The following CACNA1B variants were observed in gnomAD, a reference collection of about 807,000 sequenced individuals.
CACNA1B encodes voltage-dependent N-type calcium channel subunit alpha-1B.
Under a neutral mutation model 247.2 loss-of-function variants are expected in CACNA1B, and 70 were observed. The observed-to-expected ratio is 0.28, with a 90% CI of 0.23 to 0.35. The LOEUF (loss-of-function observed/expected upper bound fraction) is 0.35. Among genes scored for constraint, CACNA1B ranks in the 10% least tolerant of loss-of-function variants. The pLI, the probability that CACNA1B is intolerant of heterozygous loss-of-function variation, is 1.00. For synonymous variants in CACNA1B, 1,231 were observed against 1,294.4 expected (o/e 0.95, Z 1.05); for missense variants, 2,367 against 3,197.4 (o/e 0.74, Z 6.26).
At chr9:138,113,383 G>C (rs1313134763) in intron 40 of CACNA1B, among the ~76,000 whole-genome samples, 1 of 146,880 alleles carries the variant, frequency 6.8e-6, no homozygotes, top group Non-Finnish European at 1.5e-5. Context: ...GGAGCACGGG[G>C]AGGTGCCCAA....
chr9:138,086,426 G>A (rs571853477), intron 36 of CACNA1B, among the ~76,000 whole-genome samples: 1 of 151,338 alleles, frequency 6.6e-6, no homozygotes, highest in African/African-American at 2.4e-5. Context: ...TTGGGAGGCT[G>A]AGGTGGAAAG....
intron 20 of CACNA1B, among the ~76,000 whole-genome samples, chr9:138,035,728 C>A (rs939247423): frequency 4.0e-5 from 6 of 151,892 alleles, no homozygotes; most frequent in African/African-American, 1.5e-4. Flanking sequence ...AGTTTCTGTT[C>A]TTATTTATTA....
rs1472119995 is a variant in CACNA1B, at chr9:138,057,413, C to A, written c.3969-319C>A. On this transcript the variant is annotated intron_variant, in intron 26 of 46. Coordinates refer to ENST00000371372, the MANE Select transcript of CACNA1B (RefSeq NM_000718.4). This position sits in a 1 kb window ranked among gnomAD's most constrained non-coding sequence, Gnocchi z 4.0. ...GCCTGATTTATCTGTATTTTTTATT[C>A]TGTTGCTCATGATTTTGGTGTCACA... Among the ~76,000 whole-genome samples the A allele has an allele frequency of 6.6e-6, 1 of 152,078 alleles. No homozygotes were observed. The highest frequency in any genetic ancestry group is 1.5e-5 in the Non-Finnish European group (1 of 68,024).
At position 138,011,490 on chromosome 9, in the gene CACNA1B, A is replaced by T. The variant is rs1958723867; in HGVS notation, c.2160+1413A>T. 6.6e-6 allele frequency among the ~76,000 whole-genome samples: 1 copy of T among 152,014 alleles called. No individual in the cohort carries two copies. The highest frequency in any genetic ancestry group is 2.1e-4 in the South Asian group (1 of 4,814). Reference sequence around the variant, plus strand: ...CTGACCAAGAGCCGCAAAGTTTATGACTCGACCATCCCCTTCCCTTATATT... The same window carrying T: ...CTGACCAAGAGCCGCAAAGTTTATGTCTCGACCATCCCCTTCCCTTATATT... On this transcript the variant is annotated intron_variant, in intron 17 of 46. Transcript: ENST00000371372. This position sits in a 1 kb window ranked among gnomAD's most constrained non-coding sequence, Gnocchi z 4.2.
chr9:137,993,927 A>T (rs746736343), intron 15 of CACNA1B, among the ~76,000 whole-genome samples: 2 of 152,216 alleles, frequency 1.3e-5, no homozygotes, highest in East Asian at 3.8e-4. Flanking sequence ...TCCCTGATGA[A>T]CATAGATGCA....
At chr9:138,009,701 T>A (rs1228555022) in intron 16 of CACNA1B, among the ~76,000 whole-genome samples, 1 of 152,168 alleles carries the variant, frequency 6.6e-6, no homozygotes, top group Non-Finnish European at 1.5e-5. Flanking sequence ...CTCTGAGCTT[T>A]GCTCCTGCAC....
chr9:138,006,761 T>C lies in CACNA1B; in HGVS notation c.1975-6T>C, dbSNP rs1181056006. 1 of 1,557,452 alleles carries C rather than the reference T, an allele frequency of 6.4e-7. No individual in the cohort carries two copies. The highest frequency in any genetic ancestry group is 2.2e-5 in the East Asian group (1 of 44,610). ...GGCTTGCCCTGTGTTCTCTCCATCC[T>C]GGCAGATCCTGACGGGAGAGGACTG... On this transcript the variant is annotated splice_region_variant and splice_polypyrimidine_tract_variant and intron_variant, in intron 15 of 46. Transcript: ENST00000371372.
At chr9:138,112,788 G>A (rs1435212749) in intron 40 of CACNA1B, among the ~76,000 whole-genome samples, 3 of 152,256 alleles carry the variant, frequency 2.0e-5, no homozygotes, top group African/African-American at 7.2e-5. Flanking sequence ...GGGATGTGAG[G>A]GAGTGCGGTG....
intron 3 of CACNA1B, chr9:137,890,894 G>C (rs1437110272): frequency 6.5e-6 from 1 of 152,928 alleles, no homozygotes; most frequent in Non-Finnish European, 1.5e-5. Flanking sequence ...ACCCAGCTCT[G>C]AGGGGACAGT....
Position 138,083,106 on chromosome 9 carries a change from G to C in CACNA1B, c.5094+4848G>C, listed in dbSNP as rs62580953. 1.1e-3 allele frequency among the ~76,000 whole-genome samples: 164 copies of C among 150,404 alleles called. 3 individuals are homozygous for C. The highest frequency in any genetic ancestry group is 8.4e-3 in the South Asian group (40 of 4,756). On this transcript the variant is annotated intron_variant, in intron 36 of 46. Coordinates refer to ENST00000371372, the MANE Select transcript of CACNA1B (RefSeq NM_000718.4). ...AAGCCTAGCTGAGGGAGCTGCCTGG[G>C]GTCCACACACCTGTGCTCCCTCCAG... is the stretch of plus-strand genomic sequence containing the variant.
chr9:138,036,721 C>A (rs1157400464), intron 20 of CACNA1B, among the ~76,000 whole-genome samples: 1 of 152,070 alleles, frequency 6.6e-6, no homozygotes, highest in South Asian at 2.1e-4. Context: ...TTGAAACATA[C>A]GGGAAAGTGG....
intron 15 of CACNA1B, among the ~76,000 whole-genome samples, chr9:138,004,396 A>G: frequency 6.6e-6 from 1 of 151,822 alleles, no homozygotes; most frequent in East Asian, 1.9e-4. Context: ...AAAAAATACA[A>G]AAAATTAGCT....
chr9:137,997,913 G>C (rs1564228683), intron 15 of CACNA1B, among the ~76,000 whole-genome samples: 1 of 152,242 alleles, frequency 6.6e-6, no homozygotes, highest in Non-Finnish European at 1.5e-5. Flanking sequence ...ATGGATAAGA[G>C]AAGTGTGATC....
Position 138,034,881 on chromosome 9 carries a change from G to A in CACNA1B, c.3287-8893G>A, listed in dbSNP as rs1372647298. ...AAATATTTATTACATAACTACTCTC[G>A]CACTTTGGGGCCATTATTAAGTAAA... On this transcript the variant is annotated intron_variant, in intron 20 of 46. Transcript: ENST00000371372. Among the ~76,000 whole-genome samples, 5 of 152,150 alleles carry A rather than the reference G, an allele frequency of 3.3e-5. No homozygotes were observed. The East Asian group carries it at 5.8e-4, about 18-fold the overall frequency.
chr9:138,003,106 T>C (rs566250310), intron 15 of CACNA1B, among the ~76,000 whole-genome samples: 1 of 151,394 alleles, frequency 6.6e-6, no homozygotes, highest in Non-Finnish European at 1.5e-5. Context: ...CAAATTTCTT[T>C]TTTTTAATGG....
chr9:137,922,412 G>A (rs1957497980), intron 6 of CACNA1B, among the ~76,000 whole-genome samples: 1 of 152,148 alleles, frequency 6.6e-6, no homozygotes, highest in Non-Finnish European at 1.5e-5. Context: ...CATCCTGGGA[G>A]CAGAGTAAAG....
intron 31 of CACNA1B, among the ~76,000 whole-genome samples, chr9:138,066,850 G>A (rs117265603): frequency 0.015 from 2,291 of 152,120 alleles, 32 homozygotes; most frequent in Non-Finnish European, 0.025. Flanking sequence ...AAGAACAACA[G>A]AATAAGCTCA....
At chr9:137,892,132 C>T (rs1353690929) in intron 3 of CACNA1B, 1 of 456,884 alleles carries the variant, frequency 2.2e-6, no homozygotes, top group African/African-American at 2.0e-5. Context: ...ACCACAAAGC[C>T]CAGCCTCTAC....
At chr9:138,097,351 C>G (rs564537664) in intron 37 of CACNA1B, among the ~76,000 whole-genome samples, 166 of 152,280 alleles carry the variant, frequency 1.1e-3, no homozygotes, top group African/African-American at 3.8e-3. Flanking sequence ...GATCAGGATC[C>G]ATGGGGGTCC....
Sources: gnomAD v4.1 joint callset for allele counts (sites outside exome capture counted in the v4.1 genomes callset) on GRCh38, gnomAD v4.1.1 for gene constraint, Gnocchi (gnomAD v3.1) non-coding constraint, MANE v1.5 for transcripts, NCBI Gene and HGNC (gene_info 2026-07-23, HGNC 2026-07-21) for gene names.